Variants in MAGI1 observed in about 807,000 individuals in gnomAD.
MAGI1 encodes membrane associated guanylate kinase, WW and PDZ domain containing 1.
MAGI1 carries 58 observed loss-of-function variants against 139.9 expected under a neutral mutation model. That is an observed-to-expected ratio of 0.41 (90% confidence interval 0.34 to 0.52). The LOEUF is 0.52. Ranked by LOEUF, MAGI1 falls within the 20% of genes least tolerant of loss-of-function variation. MAGI1 has a pLI of 0.12. For missense variants in MAGI1, 1,874 were observed against 1,901.6 expected (o/e 0.99, Z 0.27); for synonymous variants, 812 against 737.9 (o/e 1.10, Z -1.63).
chr3:65,543,761 G>A (rs190361497), intron 2 of MAGI1, among the ~76,000 whole-genome samples: 30 of 151,852 alleles, frequency 2.0e-4, no homozygotes, highest in African/African-American at 5.3e-4. Flanking sequence ...GGGATGGGGG[G>A]GGGTACAAGA....
At chr3:65,407,839 T>C (rs1326920980) in intron 12 of MAGI1, among the ~76,000 whole-genome samples, 2 of 152,208 alleles carry the variant, frequency 1.3e-5, no homozygotes, top group Non-Finnish European at 2.9e-5. Flanking sequence ...CTGCAGCCAA[T>C]ATGTAGCATG....
intron 1 of MAGI1, among the ~76,000 whole-genome samples, chr3:65,768,002 G>C (rs139541752): frequency 1.3e-5 from 2 of 152,264 alleles, no homozygotes; most frequent in Non-Finnish European, 2.9e-5. Context: ...TCCAATTCAT[G>C]AATTGCTACT....
chr3:65,379,382 GC>G lies in MAGI1; in HGVS notation c.2873del (p.Gly958AlafsTer32). 2 of 1,612,396 alleles carry G rather than the reference GC, an allele frequency of 1.2e-6. No individual in the cohort carries two copies. The highest frequency in any genetic ancestry group is 1.7e-6 in the Non-Finnish European group (2 of 1,179,118). ...GCACCACGGTGCTGACCACGCCGCT[GC>G]CCCCGCCGCCGCCACTGCCGATGCC... ...TSGIGSGGGGGSGVVSTVVQP... is the reference protein window; with the variant it reads ...TSGIGSGGGGXSGVVSTVVQP... On this transcript the variant is annotated frameshift_variant, in exon 17 of 23. Coordinates refer to ENST00000402939, the MANE Select transcript of MAGI1 (RefSeq NM_001033057.2). LOFTEE classifies it high-confidence loss of function.
At chr3:65,380,570 T>C (rs1323008362) in intron 16 of MAGI1, among the ~76,000 whole-genome samples, 1 of 152,200 alleles carries the variant, frequency 6.6e-6, no homozygotes, top group African/African-American at 2.4e-5. Flanking sequence ...TAAATTTGAC[T>C]ACCCTAGGTA....
At chr3:65,769,103 C>G (rs2037738679) in intron 1 of MAGI1, among the ~76,000 whole-genome samples, 1 of 152,066 alleles carries the variant, frequency 6.6e-6, no homozygotes, top group Admixed American at 6.6e-5. Flanking sequence ...AATTTGAACT[C>G]AATATTGGCT....
At chr3:65,530,726 CACGTATATATAT>C (rs2078638837) in intron 2 of MAGI1, among the ~76,000 whole-genome samples, 1 of 126,160 alleles carries the variant, frequency 7.9e-6, no homozygotes, top group Middle Eastern at 3.8e-3. Context: ...TATATATACA[CACGTATATATAT>C]ATGCACATAT....
intron 2 of MAGI1, among the ~76,000 whole-genome samples, chr3:65,584,214 A>C (rs1343014137): frequency 6.6e-6 from 1 of 152,078 alleles, no homozygotes; most frequent in South Asian, 2.1e-4. Context: ...CAGCTGACTC[A>C]GCAGAGACCA....
chr3:66,032,931 AAAACAACAACAAC>A (rs1351222042), intron 1 of MAGI1, among the ~76,000 whole-genome samples: 72 of 150,620 alleles, frequency 4.8e-4, no homozygotes, highest in Non-Finnish European at 9.3e-4. Flanking sequence ...AAAAAAAAAA[AAAACAACAACAAC>A]AACAACAGAA....
intron 2 of MAGI1, among the ~76,000 whole-genome samples, chr3:65,596,560 G>A (rs2082208305): frequency 6.6e-6 from 1 of 152,144 alleles, no homozygotes; most frequent in Non-Finnish European, 1.5e-5. Flanking sequence ...AAATAATTTA[G>A]TTCAGGCACA....
chr3:65,886,381 C>T (rs1357405253), intron 1 of MAGI1, among the ~76,000 whole-genome samples: 2 of 152,088 alleles, frequency 1.3e-5, no homozygotes, highest in Non-Finnish European at 2.9e-5. Flanking sequence ...ATAAGCGTGT[C>T]TCAAGATTCT....
intron 1 of MAGI1, among the ~76,000 whole-genome samples, chr3:65,778,311 T>A (rs989637352): frequency 6.6e-6 from 1 of 151,918 alleles, no homozygotes; most frequent in East Asian, 1.9e-4. Flanking sequence ...GTGCCTGTAA[T>A]CCCAGCTTCT....
At chr3:65,996,048 A>C (rs952609944) in intron 1 of MAGI1, among the ~76,000 whole-genome samples, 1 of 152,126 alleles carries the variant, frequency 6.6e-6, no homozygotes. Context: ...TCTAAAAAAT[A>C]ACCAGAGTTC....
At chr3:65,873,249 C>A (rs2059999596) in intron 1 of MAGI1, 1 of 152,152 alleles carries the variant, frequency 6.6e-6, no homozygotes, top group Non-Finnish European at 1.5e-5. Context: ...GATCAGGACA[C>A]ATCCAGTGAC....
At chr3:65,759,914 T>G (rs890915184) in intron 1 of MAGI1, among the ~76,000 whole-genome samples, 1 of 152,202 alleles carries the variant, frequency 6.6e-6, no homozygotes, top group Non-Finnish European at 1.5e-5. Context: ...ATTCAAATTT[T>G]GGCTCTAGTG....
At position 65,520,302 on chromosome 3, in the gene MAGI1, G is replaced by A. The variant is rs1166347100; in HGVS notation, c.431-26671C>T. On this transcript the variant is annotated intron_variant, in intron 2 of 22. Transcript: ENST00000402939. ...CACGATAGCTCAAACTAGCCGTAAG[G>A]GAAAAGATAGTTCCTAATGCACTTA... Among the ~76,000 whole-genome samples the A allele has an allele frequency of 1.3e-4, 20 of 152,194 alleles. 1 individual carries two copies. Among genetic ancestry groups the A allele is most frequent in the Admixed American group, 1.3e-3 (20 of 15,280 alleles).
chr3:65,808,625 G>A (rs1180140865), intron 1 of MAGI1, among the ~76,000 whole-genome samples: 1 of 152,180 alleles, frequency 6.6e-6, no homozygotes, highest in Admixed American at 6.6e-5. Flanking sequence ...CAGCCAGCAC[G>A]CTCTCAGCAG....
intron 1 of MAGI1, among the ~76,000 whole-genome samples, chr3:65,838,304 TCAAAA>T (rs138806909): frequency 9.9e-5 from 15 of 151,604 alleles, no homozygotes; most frequent in South Asian, 4.2e-4. Context: ...AGAGTGAGAC[TCAAAA>T]CAAAACAAAA....
chr3:65,725,060 A>G (rs1396010443), intron 1 of MAGI1, among the ~76,000 whole-genome samples: 1 of 152,194 alleles, frequency 6.6e-6, no homozygotes, highest in Admixed American at 6.5e-5. Flanking sequence ...TTTAAATCAC[A>G]ACACCCAGGA....
chr3:65,604,351 T>A (rs955283919), intron 2 of MAGI1, among the ~76,000 whole-genome samples: 1 of 152,144 alleles, frequency 6.6e-6, no homozygotes, highest in African/African-American at 2.4e-5. Context: ...TATATATTGA[T>A]ATTAATATAT....
Sources: allele counts gnomAD v4.1 joint callset (sites outside exome capture counted in the v4.1 genomes callset), GRCh38; gene constraint gnomAD v4.1.1; transcripts MANE v1.5; gene names NCBI Gene and HGNC (gene_info 2026-07-23, HGNC 2026-07-21).